Variants in PRUNE2 observed in about 807,000 individuals in gnomAD.
PRUNE2 encodes the protein protein prune homolog 2.
In PRUNE2, 164 loss-of-function variants were observed where a neutral mutation model predicts 252.0. The observed-to-expected ratio is 0.65, with a 90% CI of 0.57 to 0.74. The LOEUF (loss-of-function observed/expected upper bound fraction) is 0.74. Ranked by LOEUF, PRUNE2 falls within the 30% of genes least tolerant of loss-of-function variation. The pLI, the probability that PRUNE2 is intolerant of heterozygous loss-of-function variation, is 0.00. For synonymous variants in PRUNE2, 1,292 were observed against 1,350.2 expected, an observed-to-expected ratio of 0.96 and a Z score of 0.94; for missense variants, 3,495 against 3,711.0, an observed-to-expected ratio of 0.94 and a Z score of 1.51.
At chr9:76,838,187 T>G (rs1448328120) in intron 4 of PRUNE2, among the ~76,000 whole-genome samples, 1 of 151,624 alleles carries the variant, frequency 6.6e-6, no homozygotes, top group East Asian at 1.9e-4. Flanking sequence ...TTATACTGCA[T>G]GCATTTTTGT....
chr9:76,658,378 G>C (rs1335705536), intron 9 of PRUNE2, among the ~76,000 whole-genome samples: 1 of 152,128 alleles, frequency 6.6e-6, no homozygotes, highest in Non-Finnish European at 1.5e-5. Context: ...CAAAAAGAAG[G>C]CTATAGGGAC....
chr9:76,718,934 C>T (rs187254593), intron 6 of PRUNE2, among the ~76,000 whole-genome samples: 218 of 152,246 alleles, frequency 1.4e-3, no homozygotes, highest in African/African-American at 5.2e-3. Context: ...ACGTAATTCA[C>T]CAGCAAATCC....
chr9:76,672,369 T>A (rs1011627246), intron 9 of PRUNE2, among the ~76,000 whole-genome samples: 1 of 121,428 alleles, frequency 8.2e-6, no homozygotes, highest in African/African-American at 3.2e-5. Flanking sequence ...TAAATATATA[T>A]GCACCCAATA....
chr9:76,796,142 T>C (rs1036912946), intron 6 of PRUNE2, among the ~76,000 whole-genome samples: 3 of 152,246 alleles, frequency 2.0e-5, no homozygotes, highest in Non-Finnish European at 4.4e-5. Context: ...TCATAAAATT[T>C]TGCCAGGTAA....
intron 1 of PRUNE2, among the ~76,000 whole-genome samples, chr9:76,904,722 T>C (rs989542392): frequency 1.3e-5 from 2 of 152,222 alleles, no homozygotes; most frequent in Admixed American, 6.5e-5. Flanking sequence ...CGTTCAACTC[T>C]CTGGGAGGTT....
intron 6 of PRUNE2, among the ~76,000 whole-genome samples, chr9:76,805,546 G>T (rs1008679092): frequency 2.6e-5 from 4 of 152,158 alleles, no homozygotes; most frequent in African/African-American, 9.7e-5. Flanking sequence ...AGTGCGCCAT[G>T]ATAGTATCAC....
intron 1 of PRUNE2, among the ~76,000 whole-genome samples, chr9:76,898,083 G>T (rs183933654): frequency 6.6e-6 from 1 of 152,352 alleles, no homozygotes; most frequent in African/African-American, 2.4e-5. Flanking sequence ...AAGAAACTAA[G>T]ATTGTGTGAC....
chr9:76,700,425 C>T (rs1564074243), intron 9 of PRUNE2, among the ~76,000 whole-genome samples: 1 of 152,132 alleles, frequency 6.6e-6, no homozygotes, highest in Non-Finnish European at 1.5e-5. Flanking sequence ...ACAGCTATCT[C>T]ATTGTTTTGC....
At chr9:76,663,950 A>G (rs2039631221) in intron 9 of PRUNE2, among the ~76,000 whole-genome samples, 1 of 152,214 alleles carries the variant, frequency 6.6e-6, no homozygotes, top group Admixed American at 6.5e-5. Flanking sequence ...GATGGCTCAA[A>G]GGGATCTCAA....
At chr9:76,795,398 G>C (rs927213892) in intron 6 of PRUNE2, among the ~76,000 whole-genome samples, 3 of 152,098 alleles carry the variant, frequency 2.0e-5, no homozygotes, top group Admixed American at 6.5e-5. Flanking sequence ...CTTTGAGAGG[G>C]GTCTTATTTC....
intron 6 of PRUNE2, among the ~76,000 whole-genome samples, chr9:76,767,864 C>T (rs910919458): frequency 1.3e-5 from 2 of 152,200 alleles, no homozygotes; most frequent in African/African-American, 2.4e-5. Flanking sequence ...CTTCCATGCC[C>T]ACTATGGCTA....
chr9:76,824,224 T>A (rs2058212563), intron 5 of PRUNE2, among the ~76,000 whole-genome samples: 1 of 152,088 alleles, frequency 6.6e-6, no homozygotes, highest in Non-Finnish European at 1.5e-5. Flanking sequence ...TGGGAGCCCA[T>A]AAGATTAAAT....
At chr9:76,892,061 T>A (rs1311851044) in intron 1 of PRUNE2, among the ~76,000 whole-genome samples, 3 of 115,534 alleles carry the variant, frequency 2.6e-5, no homozygotes, top group Non-Finnish European at 5.5e-5. Context: ...AAAGAGAAAG[T>A]AGCCCCCCCA....
intron 4 of PRUNE2, among the ~76,000 whole-genome samples, chr9:76,839,958 G>A (rs2059289243): frequency 6.6e-6 from 1 of 152,216 alleles, no homozygotes; most frequent in Non-Finnish European, 1.5e-5. Flanking sequence ...AGCAGGTTTG[G>A]AGGTACAAGA....
chr9:76,865,842 CA>C lies in PRUNE2; in HGVS notation c.37-11635del, dbSNP rs1564465963. On this transcript the variant is annotated intron_variant, in intron 1 of 18. Transcript: ENST00000376718. ...ACACACACACACACACACACACACA[CA>C]CACACCAGAGCATTATGACATGTGC... is the stretch of plus-strand genomic sequence containing the variant. 2.1e-4 allele frequency among the ~76,000 whole-genome samples: 31 copies of C among 150,322 alleles called. 1 individual carries two copies. The highest frequency in any genetic ancestry group is 7.8e-4 in the African/African-American group (31 of 39,982).
intron 4 of PRUNE2, among the ~76,000 whole-genome samples, chr9:76,846,049 T>C (rs575557873): frequency 3.9e-5 from 6 of 152,300 alleles, no homozygotes; most frequent in African/African-American, 1.4e-4. Flanking sequence ...GACATCTGAC[T>C]ATAAAAGCCC....
chr9:76,673,959 G>A (rs1011578145), intron 9 of PRUNE2, among the ~76,000 whole-genome samples: 1 of 152,114 alleles, frequency 6.6e-6, no homozygotes, highest in Non-Finnish European at 1.5e-5. Flanking sequence ...TACTGAATGG[G>A]CAAAAACTGG....
Position 76,711,065 on chromosome 9 carries a change from T to G in PRUNE2, c.1209A>C (p.Ile403=). The part of the protein sequence containing the change: ...IEPQPSSVNF[I]ENPPDLNDSN... The stretch of plus-strand genomic sequence containing the variant: ...AATCATTGAGATCTGGAGGGTTCTC[T>G]ATGAAATTCACAGAGCTGGGTTGTG... The change falls in exon 8 of 19, where the codon ATA becomes ATC. Residue 403 remains isoleucine, a synonymous_variant. Coordinates refer to ENST00000376718, the MANE Select transcript of PRUNE2 (RefSeq NM_015225.3). 6.2e-7 allele frequency: 1 copy of G among 1,614,048 alleles called. No individual in the cohort carries two copies. Among genetic ancestry groups the G allele is most frequent in the Non-Finnish European group, 8.5e-7 (1 of 1,179,886 alleles).
intron 4 of PRUNE2, among the ~76,000 whole-genome samples, chr9:76,828,912 G>T (rs1029456601): frequency 2.6e-5 from 4 of 151,146 alleles, no homozygotes; most frequent in Non-Finnish European, 5.9e-5. Context: ...AGCTACTCGG[G>T]AGGCTGAGGC....
Sources: gnomAD v4.1 joint callset for allele counts (sites outside exome capture counted in the v4.1 genomes callset) on GRCh38, gnomAD v4.1.1 for gene constraint, MANE v1.5 for transcripts, NCBI Gene and HGNC (gene_info 2026-07-23, HGNC 2026-07-21) for gene names.